The following ARFGEF3 variants were observed in gnomAD, a reference collection of about 807,000 sequenced individuals.
The protein encoded by ARFGEF3 is brefeldin A-inhibited guanine nucleotide-exchange protein 3.
A neutral mutation model predicts 221.7 loss-of-function variants in ARFGEF3; 96 were observed. That is an observed-to-expected ratio of 0.43 (90% CI 0.37 to 0.51). The LOEUF is 0.51. Among genes scored for constraint, ARFGEF3 ranks in the 20% least tolerant of loss-of-function variants. The pLI is 0.00. For missense variants in ARFGEF3, 2,410 were observed against 2,789.9 expected, an observed-to-expected ratio of 0.86 and a Z score of 3.07; for synonymous variants, 1,145 against 1,126.8, an observed-to-expected ratio of 1.02 and a Z score of -0.32.
intron 2 of ARFGEF3, among the ~76,000 whole-genome samples, chr6:138,185,867 T>C (rs1777173974): frequency 6.6e-6 from 1 of 152,198 alleles, no homozygotes; most frequent in Non-Finnish European, 1.5e-5. Context: ...AATTATGGCG[T>C]ATTGTTCTAT....
chr6:138,168,708 T>G (rs1230756584), intron 1 of ARFGEF3, among the ~76,000 whole-genome samples: 1 of 152,226 alleles, frequency 6.6e-6, no homozygotes, highest in Non-Finnish European at 1.5e-5. Context: ...AAACTTATTA[T>G]TCCCTCCACT....
chr6:138,312,423 T>G (rs1445017444), intron 25 of ARFGEF3, among the ~76,000 whole-genome samples: 1 of 152,094 alleles, frequency 6.6e-6, no homozygotes, highest in East Asian at 1.9e-4. Flanking sequence ...CGGCCCTGGC[T>G]TCTCCATCCA....
At chr6:138,200,757 A>C (rs1777519609) in intron 2 of ARFGEF3, among the ~76,000 whole-genome samples, 3 of 152,228 alleles carry the variant, frequency 2.0e-5, no homozygotes, top group Non-Finnish European at 1.5e-5. Context: ...TTCTAGACAT[A>C]GGCTTAGGCA....
chr6:138,300,524 T>C lies in ARFGEF3; in HGVS notation c.3828+1739T>C, dbSNP rs548369608. On this transcript the variant is annotated intron_variant, in intron 22 of 33. Coordinates refer to ENST00000251691, the MANE Select transcript of ARFGEF3 (RefSeq NM_020340.5). ...AGTGAAGAACTACAAGGCCAAGATCTGGGAGAAAAAGAATACCCAGAGTAG... is the reference window on the plus strand; with the variant it reads ...AGTGAAGAACTACAAGGCCAAGATCCGGGAGAAAAAGAATACCCAGAGTAG... Among the ~76,000 whole-genome samples, 30 of 152,326 alleles carry C rather than the reference T, an allele frequency of 2.0e-4. No homozygotes were observed. In the South Asian group the frequency reaches 5.2e-3, roughly 26 times the overall value.
At chr6:138,184,541 A>G (rs149767486) in intron 2 of ARFGEF3, among the ~76,000 whole-genome samples, 4 of 152,308 alleles carry the variant, frequency 2.6e-5, no homozygotes, top group Non-Finnish European at 5.9e-5. Flanking sequence ...AGATGAGACT[A>G]TGGATTTAAG....
chr6:138,323,796 T>G (rs1780078963), intron 30 of ARFGEF3, 23 bp downstream of exon 30: 1 of 1,609,600 alleles, frequency 6.2e-7, no homozygotes, highest in South Asian at 1.1e-5. Flanking sequence ...GAGGAAGCCC[T>G]CCCTGGCACA....
intron 2 of ARFGEF3, among the ~76,000 whole-genome samples, chr6:138,185,598 A>C (rs182640630): frequency 4.1e-4 from 63 of 152,304 alleles, no homozygotes; most frequent in African/African-American, 1.4e-3. Flanking sequence ...TTGAAGTTTT[A>C]AATTAAATGG....
chr6:138,298,033 C>G (rs976951638), intron 21 of ARFGEF3, among the ~76,000 whole-genome samples: 1 of 152,140 alleles, frequency 6.6e-6, no homozygotes, highest in African/African-American at 2.4e-5. Context: ...CAGGGCAAAC[C>G]CCAAATCACA....
chr6:138,252,231 A>C (rs2114571907), intron 8 of ARFGEF3, among the ~76,000 whole-genome samples: 1 of 152,332 alleles, frequency 6.6e-6, no homozygotes, highest in East Asian at 1.9e-4. Context: ...GAGATTTTAG[A>C]ATATGGGTCA....
chr6:138,204,485 A>G (rs1397379322), intron 2 of ARFGEF3, among the ~76,000 whole-genome samples: 2 of 152,162 alleles, frequency 1.3e-5, no homozygotes, highest in Non-Finnish European at 2.9e-5. Flanking sequence ...TGTTGTAAAT[A>G]AAGTTTTATT....
chr6:138,165,721 C>T (rs1776711590), intron 1 of ARFGEF3, among the ~76,000 whole-genome samples: 2 of 151,884 alleles, frequency 1.3e-5, no homozygotes, highest in African/African-American at 4.8e-5. Context: ...CTGAGACACT[C>T]ATGAGAGACT....
chr6:138,187,161 T>C (rs2114460287), intron 2 of ARFGEF3, among the ~76,000 whole-genome samples: 1 of 152,280 alleles, frequency 6.6e-6, no homozygotes, highest in Admixed American at 6.5e-5. Context: ...GTGATCCACC[T>C]GCCTCGGCCT....
At chr6:138,198,105 C>A (rs1051974448) in intron 2 of ARFGEF3, among the ~76,000 whole-genome samples, 1 of 152,110 alleles carries the variant, frequency 6.6e-6, no homozygotes, top group African/African-American at 2.4e-5. Flanking sequence ...AAGTTGATGT[C>A]TTGAGGTAAA....
intron 2 of ARFGEF3, among the ~76,000 whole-genome samples, chr6:138,206,343 CTTT>C (rs542624433): frequency 3.0e-5 from 4 of 135,070 alleles, no homozygotes; most frequent in South Asian, 2.4e-4. Flanking sequence ...AATATCTCTC[CTTT>C]TTTTTTTTTT....
At chr6:138,287,208 C>A in intron 17 of ARFGEF3, 24 bp downstream of exon 17, 2 of 1,532,650 alleles carry the variant, frequency 1.3e-6, no homozygotes, top group East Asian at 2.4e-5. Context: ...GGCCAGAACC[C>A]ACCTGGTGCC....
intron 3 of ARFGEF3, among the ~76,000 whole-genome samples, chr6:138,209,095 G>T (rs1178771453): frequency 1.3e-5 from 2 of 152,166 alleles, no homozygotes; most frequent in African/African-American, 4.8e-5. Context: ...ATGTCTTCTT[G>T]TTGAGGTTTT....
intron 28 of ARFGEF3, 141 bp downstream of exon 28, chr6:138,320,020 T>C: frequency 1.4e-6 from 1 of 723,644 alleles, no homozygotes; most frequent in South Asian, 1.8e-5. Flanking sequence ...AACAACATGG[T>C]CAGTGCCAGC....
intron 32 of ARFGEF3, among the ~76,000 whole-genome samples, chr6:138,331,442 A>G (rs965118668): frequency 6.6e-6 from 1 of 152,210 alleles, no homozygotes; most frequent in African/African-American, 2.4e-5. Context: ...CCTGTGGAAA[A>G]TTATATGCTA....
intron 8 of ARFGEF3, among the ~76,000 whole-genome samples, chr6:138,246,193 A>C (rs1778484125): frequency 6.6e-6 from 1 of 152,178 alleles, no homozygotes; most frequent in African/African-American, 2.4e-5. Flanking sequence ...CAACCTATGC[A>C]CCTGTAGTAA....
Sources: allele counts gnomAD v4.1 joint callset (sites outside exome capture counted in the v4.1 genomes callset), GRCh38; gene constraint gnomAD v4.1.1; transcripts MANE v1.5; gene names NCBI Gene and HGNC (gene_info 2026-07-23, HGNC 2026-07-21).